ENAM: variants seen among roughly 807,000 people sequenced by gnomAD.
ENAM encodes amelogenesis imperfecta 2, hypocalcification (autosomal dominant).
A neutral mutation model predicts 33.6 loss-of-function variants in ENAM; 21 were observed. The observed-to-expected ratio is 0.63, with a 90% CI of 0.44 to 0.90. ENAM has a LOEUF of 0.90. Ranked by LOEUF, ENAM falls within the 40% of genes least tolerant of loss-of-function variation. ENAM has a pLI of 0.00. For missense variants in ENAM, 1,388 were observed against 1,366.9 expected (o/e 1.02, Z -0.24); for synonymous variants, 473 against 468.4 (o/e 1.01, Z -0.13).
In ENAM at chr4:70,643,848, C is replaced by T. The variant is rs754183299; in HGVS notation, c.2422C>T (p.Pro808Ser). ...GCCACCAGACCAGAAAGGTAACCAGCCCTATTACAGTAACACCCCAGCTGG... is the reference window on the plus strand; with the variant it reads ...GCCACCAGACCAGAAAGGTAACCAGTCCTATTACAGTAACACCCCAGCTGG... ...ARPPDQKGNQ[P>S]YYSNTPAGLQ... Residue 808 changes from proline to serine, a missense_variant, in exon 9 of 9, where the codon CCC becomes TCC. Transcript: ENST00000396073. 1.2e-6 allele frequency: 2 copies of T among 1,614,142 alleles called. No homozygotes were observed. Among genetic ancestry groups the T allele is most frequent in the Non-Finnish European group, 1.7e-6 (2 of 1,180,022 alleles).
chr4:70,637,706 T>C, intron 7 of ENAM, 84 bp from the exon 8 acceptor site: 2 of 1,043,240 alleles, frequency 1.9e-6, no homozygotes, highest in South Asian at 2.5e-5. Context: ...ACTTGAGCTA[T>C]TTTTAGACAC....
rs1738772144 is a variant in ENAM, at chr4:70,646,768, T to A, written c.*1913T>A. ...TTGAAAAATTCATTAACTTATTCTG[T>A]ATAAAACTGTCTTTTAAGAATTATC... On this transcript the variant is annotated 3_prime_UTR_variant, in exon 9 of 9. Coordinates refer to ENST00000396073, the MANE Select transcript of ENAM (RefSeq NM_031889.3). 6.6e-6 allele frequency: 1 copy of A among 152,236 alleles called. No homozygotes were observed. Among genetic ancestry groups the A allele is most frequent in the South Asian group, 2.1e-4 (1 of 4,832 alleles). The allele number at this position is 152,236 out of a possible 1,614,324, so 9.4% of individuals were successfully genotyped here. A position where few individuals can be genotyped will look rare whatever the true frequency, so the allele number is the denominator to read the frequency against.
rs200551338 is a variant in ENAM at position 70,644,138 on chromosome 4, A to G, written c.2712A>G (p.Gln904=). ...ATGGTCTTGCACCTGGGGAGAACCA[A>G]GACACCAGTCCTCTGTATACAGACG... ...PSYGLAPGEN[Q]DTSPLYTDGS... is the part of the protein sequence containing the mutation. The change falls in exon 9 of 9, where the codon CAA becomes CAG. Residue 904 remains glutamine, a synonymous_variant. Transcript: ENST00000396073. 2.3e-5 allele frequency: 37 copies of G among 1,614,032 alleles called. No homozygotes were observed. Among genetic ancestry groups the G allele is most frequent in the Non-Finnish European group, 3.0e-5 (35 of 1,180,020 alleles).
chr4:70,635,307 G>A (rs913750373), intron 6 of ENAM, among the ~76,000 whole-genome samples: 1 of 152,166 alleles, frequency 6.6e-6, no homozygotes, highest in African/African-American at 2.4e-5. Flanking sequence ...AACCCGGGAG[G>A]TGGAGGTTGC....
rs569859111 is a variant in ENAM, at chr4:70,632,229, C to A, written c.168+336C>A. 3.3e-5 allele frequency among the ~76,000 whole-genome samples: 5 copies of A among 152,172 alleles called. No individual in the cohort carries two copies. The South Asian group carries it at 6.2e-4, about 19-fold the overall frequency. On this transcript the variant is annotated intron_variant, in intron 4 of 8. Coordinates refer to ENST00000396073, the MANE Select transcript of ENAM (RefSeq NM_031889.3). ...AGGTAGATGCTTAAAAATAGAAATA[C>A]CTTTCACATGACTCATATCCCAGAT...
Position 70,642,829 on chromosome 4 carries a change from A to C in ENAM, c.1403A>C (p.Lys468Thr), listed in dbSNP as rs909503011. 2 of 1,613,948 alleles carry C rather than the reference A, an allele frequency of 1.2e-6. No homozygotes were observed. The highest frequency in any genetic ancestry group is 1.7e-6 in the Non-Finnish European group (2 of 1,179,986). ...AACTCTCAACAGTATGAAGTTAATA[A>C]ATCAAATTATAAACTGCCTCACTCT... ...WRNSQQYEVN[K>T]SNYKLPHSEG... Residue 468 changes from lysine (K) to threonine (T), a missense_variant, in exon 9 of 9, where the codon AAA (lysine) becomes ACA (threonine). By Grantham distance (78) the Lys-to-Thr change is moderately conservative. Coordinates refer to ENST00000396073, the MANE Select transcript of ENAM (RefSeq NM_031889.3).
At chr4:70,636,384 C>T (rs1457942394) in intron 7 of ENAM, among the ~76,000 whole-genome samples, 1 of 152,082 alleles carries the variant, frequency 6.6e-6, no homozygotes, top group Non-Finnish European at 1.5e-5. Flanking sequence ...TCTGTAATCC[C>T]AGCACTTTGG....
chr4:70,634,233 G>T (rs575337078), intron 5 of ENAM, 75 bp from the exon 6 acceptor site: 3 of 1,459,122 alleles, frequency 2.1e-6, no homozygotes, highest in African/African-American at 2.8e-5. Context: ...GAGTTTTAGA[G>T]GCTGACATTA....
At chr4:70,641,678 T>C (rs1476771836) in intron 8 of ENAM, among the ~76,000 whole-genome samples, 4 of 151,922 alleles carry the variant, frequency 2.6e-5, no homozygotes, top group African/African-American at 7.3e-5. Context: ...GCAATAGAAT[T>C]CTTAAAAGAG....
At chr4:70,638,437 C>T (rs530973254) in intron 8 of ENAM, among the ~76,000 whole-genome samples, 3 of 137,466 alleles carry the variant, frequency 2.2e-5, no homozygotes, top group Admixed American at 1.5e-4. Flanking sequence ...GGAGAGTGGG[C>T]GACAGATTGT....
Position 70,644,645 on chromosome 4 carries a change from A to G in ENAM, c.3219A>G (p.Pro1073=), listed in dbSNP as rs1738707897. The change falls in exon 9 of 9, where the codon CCA becomes CCG. Residue 1073 remains proline (P), a synonymous_variant. Transcript: ENST00000396073. ...AKHHSSTTGT[P]SSDGRQSPFD... ...ATCACTCTTCCACCACCGGAACTCCATCTAGCGATGGAAGGCAAAGCCCAT... is the reference window on the plus strand; with the variant it reads ...ATCACTCTTCCACCACCGGAACTCCGTCTAGCGATGGAAGGCAAAGCCCAT... The G allele has an allele frequency of 6.2e-7, 1 of 1,614,118 alleles. No individual in the cohort carries two copies. Among genetic ancestry groups the G allele is most frequent in the South Asian group, 1.1e-5 (1 of 91,028 alleles).
intron 8 of ENAM, among the ~76,000 whole-genome samples, chr4:70,641,246 T>G (rs1190918053): frequency 6.6e-6 from 1 of 152,180 alleles, no homozygotes; most frequent in East Asian, 1.9e-4. Flanking sequence ...GATGTTTTGC[T>G]GCCTCAACCT....
chr4:70,636,461 C>G (rs1211123844), intron 7 of ENAM, among the ~76,000 whole-genome samples: 1 of 151,912 alleles, frequency 6.6e-6, no homozygotes, highest in African/African-American at 2.4e-5. Flanking sequence ...TGGTGAAATC[C>G]CGTCTCTACT....
chr4:70,641,868 G>A, intron 8 of ENAM, 147 bp from the exon 9 acceptor site: 1 of 724,534 alleles, frequency 1.4e-6, no homozygotes, highest in South Asian at 1.6e-5. Flanking sequence ...AACCAAGGAA[G>A]AATCAAATTT....
chr4:70,637,884 A>G (rs2109822825), intron 8 of ENAM, 41 bp downstream of exon 8: 4 of 1,444,448 alleles, frequency 2.8e-6, no homozygotes, highest in Non-Finnish European at 2.9e-6. Context: ...AGAAATTACA[A>G]TCCATTCGCC....
chr4:70,629,673 GC>G (rs1738261900), intron 2 of ENAM, 119 bp downstream of exon 2: 1 of 819,294 alleles, frequency 1.2e-6, no homozygotes, highest in Non-Finnish European at 2.2e-6. Context: ...AAGAGCATCT[GC>G]TTTCACAGAT....
At chr4:70,634,186 G>T (rs1738390936) in intron 5 of ENAM, 122 bp from the exon 6 acceptor site, 1 of 929,926 alleles carries the variant, frequency 1.1e-6, no homozygotes, top group South Asian at 1.3e-5. Context: ...AGCTTCCATA[G>T]TTAAGTCAAG....
Position 70,629,479 on chromosome 4 carries a change from T to C in ENAM, c.-22T>C. On this transcript the variant is annotated 5_prime_UTR_variant, in exon 2 of 9. Coordinates refer to ENST00000396073, the MANE Select transcript of ENAM (RefSeq NM_031889.3). ...TAAAGCTGTATTTTTCTTAAAGGCT[T>C]ATAAAAATTTTGCTGAAAAAAATGT... is the stretch of plus-strand genomic sequence containing the variant. The C allele has an allele frequency of 6.3e-7, 1 of 1,598,840 alleles. No homozygotes were observed. The highest frequency in any genetic ancestry group is 1.1e-5 in the South Asian group (1 of 90,788).
chr4:70,629,562 C>T lies in ENAM; in HGVS notation c.54+8C>T. 1 of 1,606,302 alleles carries T rather than the reference C, an allele frequency of 6.2e-7. No homozygotes were observed. Among genetic ancestry groups the T allele is most frequent in the Non-Finnish European group, 8.5e-7 (1 of 1,173,086 alleles). The stretch of plus-strand genomic sequence containing the variant: ...CCTAAACTAGATAACTTGGTGAGTA[C>T]TTTCATTTATTTTTGCCAATACATA... On this transcript the variant is annotated splice_region_variant and intron_variant, in intron 2 of 8. Coordinates refer to ENST00000396073, the MANE Select transcript of ENAM (RefSeq NM_031889.3).
Sources: allele counts gnomAD v4.1 joint callset (sites outside exome capture counted in the v4.1 genomes callset), GRCh38; gene constraint gnomAD v4.1.1; transcripts MANE v1.5; gene names NCBI Gene and HGNC (gene_info 2026-07-23, HGNC 2026-07-21).